Variants in CNIH3 observed in about 807,000 individuals in gnomAD.
CNIH3 encodes the protein cornichon family AMPA receptor auxiliary protein 3.
A neutral mutation model predicts 24.1 loss-of-function variants in CNIH3; 14 were observed. That is an observed-to-expected ratio of 0.58 (90% confidence interval 0.38 to 0.91). The LOEUF is 0.91. Among genes scored for constraint, CNIH3 ranks in the 40% least tolerant of loss-of-function variants. The pLI is 0.00. For missense variants in CNIH3, 178 were observed against 196.8 expected, an observed-to-expected ratio of 0.90 and a Z score of 0.57; for synonymous variants, 68 against 73.8, an observed-to-expected ratio of 0.92 and a Z score of 0.40.
intron 1 of CNIH3, among the ~76,000 whole-genome samples, chr1:224,645,339 G>A (rs537804281): frequency 2.0e-5 from 3 of 152,330 alleles, no homozygotes; most frequent in East Asian, 3.9e-4. Flanking sequence ...CCCAAGAGGC[G>A]GTACACTCAC....
chr1:224,483,951 C>T (rs986398972), intron 1 of CNIH3, among the ~76,000 whole-genome samples: 2 of 151,914 alleles, frequency 1.3e-5, no homozygotes, highest in African/African-American at 4.8e-5. Context: ...TGGGTGGATC[C>T]CCTGAAATCA....
At chr1:224,663,939 C>A (rs531416494) in intron 1 of CNIH3, among the ~76,000 whole-genome samples, 7 of 152,312 alleles carry the variant, frequency 4.6e-5, no homozygotes, top group African/African-American at 1.7e-4. Context: ...GTCAAGGAAC[C>A]AAAATCTGTT....
upstream of CNIH3, among the ~76,000 whole-genome samples, chr1:224,514,707 T>C (rs1404484958): frequency 6.6e-6 from 1 of 152,114 alleles, no homozygotes; most frequent in Non-Finnish European, 1.5e-5. Context: ...GGTGCGAGCC[T>C]GTAGTCCCAG....
chr1:224,543,912 C>T (rs1679605289), intron 2 of CNIH3, among the ~76,000 whole-genome samples: 1 of 151,968 alleles, frequency 6.6e-6, no homozygotes, highest in Non-Finnish European at 1.5e-5. Context: ...ACTTTTATAC[C>T]CAAGACCTAC....
chr1:224,645,696 C>T (rs1163904530), intron 1 of CNIH3, among the ~76,000 whole-genome samples: 3 of 152,238 alleles, frequency 2.0e-5, no homozygotes, highest in Non-Finnish European at 2.9e-5. Flanking sequence ...AGCGGATATT[C>T]ACATCTGTTG....
At chr1:224,536,950 G>C (rs1160601653) in exon 3 of CNIH3, 3 of 152,198 alleles carry the variant, frequency 2.0e-5, no homozygotes, top group African/African-American at 7.2e-5. Flanking sequence ...GTGGTGAGGA[G>C]CAAATGAATC....
At chr1:224,569,828 G>A (rs1369225474) in intron 4 of CNIH3, among the ~76,000 whole-genome samples, 2 of 152,012 alleles carry the variant, frequency 1.3e-5, no homozygotes, top group African/African-American at 4.8e-5. Context: ...CTGTTGCCCA[G>A]GCTGGAGTGC....
chr1:224,628,117 T>C (rs1683632745), intron 1 of CNIH3, among the ~76,000 whole-genome samples: 1 of 152,092 alleles, frequency 6.6e-6, no homozygotes, highest in South Asian at 2.1e-4. Flanking sequence ...TAGCCCACCC[T>C]GTCAAGTTAT....
Position 224,650,948 on chromosome 1 carries a change from G to A in CNIH3, c.82-30010G>A, listed in dbSNP as rs1371821021. On this transcript the variant is annotated intron_variant, in intron 1 of 5. Transcript: ENST00000272133. Reference sequence around the variant, plus strand: ...AGGTGCTCAGCGTGGACACTGGCTTGATGGGGTCTTTTGGAGCAAGTCCTC... The same window carrying A: ...AGGTGCTCAGCGTGGACACTGGCTTAATGGGGTCTTTTGGAGCAAGTCCTC... Among the ~76,000 whole-genome samples, 10 of 152,156 alleles carry A rather than the reference G, an allele frequency of 6.6e-5. 1 individual carries two copies. Among genetic ancestry groups the A allele is most frequent in the African/African-American group, 1.9e-4 (8 of 41,438 alleles).
chr1:224,499,081 T>C (rs1273364840), intron 1 of CNIH3, among the ~76,000 whole-genome samples: 3 of 152,236 alleles, frequency 2.0e-5, no homozygotes, highest in Non-Finnish European at 2.9e-5. Flanking sequence ...TCACAAACTT[T>C]TGGTAGTGAA....
intron 3 of CNIH3, among the ~76,000 whole-genome samples, chr1:224,606,229 T>A (rs2125046399): frequency 6.6e-6 from 1 of 152,298 alleles, no homozygotes; most frequent in East Asian, 1.9e-4. Context: ...AACAGCTCAG[T>A]GGAGGGTCAG....
intron 3 of CNIH3, among the ~76,000 whole-genome samples, chr1:224,601,844 A>G (rs1682224635): frequency 6.6e-6 from 1 of 152,286 alleles, no homozygotes; most frequent in African/African-American, 2.4e-5. Flanking sequence ...AACATCTTTC[A>G]TTGTATCATC....
intron 5 of CNIH3, among the ~76,000 whole-genome samples, chr1:224,586,037 G>A (rs1681492973): frequency 6.6e-6 from 1 of 152,138 alleles, no homozygotes; most frequent in Non-Finnish European, 1.5e-5. Flanking sequence ...ACATCATGGA[G>A]GAAAAAGGAA....
intron 1 of CNIH3, among the ~76,000 whole-genome samples, chr1:224,630,563 C>T (rs1480813591): frequency 6.6e-6 from 1 of 151,436 alleles, no homozygotes; most frequent in Non-Finnish European, 1.5e-5. Context: ...ACTTACCTGG[C>T]CATATATTTT....
At chr1:224,607,345 G>C (rs1018122868) in intron 3 of CNIH3, among the ~76,000 whole-genome samples, 1 of 152,178 alleles carries the variant, frequency 6.6e-6, no homozygotes, top group Non-Finnish European at 1.5e-5. Flanking sequence ...TTCCCAGAGG[G>C]TCTGGGAGCT....
chr1:224,446,029 GTGT>G (rs1675149038), intron 1 of CNIH3, among the ~76,000 whole-genome samples: 1 of 152,086 alleles, frequency 6.6e-6, no homozygotes, highest in African/African-American at 2.4e-5. Flanking sequence ...TCTTGCAGTG[GTGT>G]TGTTATAAAT....
At chr1:224,723,956 C>G (rs923113887) in intron 3 of CNIH3, among the ~76,000 whole-genome samples, 2 of 152,130 alleles carry the variant, frequency 1.3e-5, no homozygotes, top group African/African-American at 4.8e-5. Context: ...TGGTTCACGC[C>G]GCTAATCCCC....
chr1:224,660,945 A>G (rs1028870798), intron 1 of CNIH3, among the ~76,000 whole-genome samples: 3 of 152,244 alleles, frequency 2.0e-5, no homozygotes, highest in African/African-American at 7.2e-5. Flanking sequence ...AGCAAAGTGC[A>G]TACAGATATT....
chr1:224,713,689 A>G (rs1267510147), intron 3 of CNIH3, among the ~76,000 whole-genome samples: 1 of 152,254 alleles, frequency 6.6e-6, no homozygotes, highest in Non-Finnish European at 1.5e-5. Context: ...AGCCCAGTTT[A>G]TTGGAAGAAA....
Sources: allele counts gnomAD v4.1 joint callset (sites outside exome capture counted in the v4.1 genomes callset), GRCh38; gene constraint gnomAD v4.1.1; transcripts MANE v1.5; gene names NCBI Gene and HGNC (gene_info 2026-07-23, HGNC 2026-07-21).